The following MACROD2 variants were observed in gnomAD, a reference collection of about 807,000 sequenced individuals.
The protein encoded by MACROD2 is ADP-ribose glycohydrolase MACROD2.
Under a neutral mutation model 70.4 loss-of-function variants are expected in MACROD2, and 36 were observed. The observed-to-expected ratio is 0.51, with a 90% CI of 0.39 to 0.68. The LOEUF (loss-of-function observed/expected upper bound fraction) is 0.68. MACROD2 is among the 30% of genes least tolerant of loss of function. The pLI, the probability that MACROD2 is intolerant of heterozygous loss-of-function variation, is 0.00. For missense variants in MACROD2, 496 were observed against 538.4 expected, an observed-to-expected ratio of 0.92 and a Z score of 0.78; for synonymous variants, 172 against 178.8, an observed-to-expected ratio of 0.96 and a Z score of 0.30.
At chr20:15,238,090 G>A (rs916329319) in intron 6 of MACROD2, among the ~76,000 whole-genome samples, 1 of 152,112 alleles carries the variant, frequency 6.6e-6, no homozygotes, top group African/African-American at 2.4e-5. Flanking sequence ...GTTATAAAAG[G>A]GTTTGCTGAG....
intron 5 of MACROD2, among the ~76,000 whole-genome samples, chr20:15,180,749 C>T (rs2076494594): frequency 6.6e-6 from 1 of 152,208 alleles, no homozygotes. Flanking sequence ...CCTTGGCCTC[C>T]CAAAGTTCTG....
intron 5 of MACROD2, among the ~76,000 whole-genome samples, chr20:15,095,591 C>T (rs1026366518): frequency 1.3e-5 from 2 of 151,950 alleles, no homozygotes; most frequent in Non-Finnish European, 2.9e-5. Flanking sequence ...AATCTCGGCT[C>T]ACTGCAAGCT....
At chr20:15,588,144 C>T (rs577995033) in intron 8 of MACROD2, among the ~76,000 whole-genome samples, 26 of 152,308 alleles carry the variant, frequency 1.7e-4, no homozygotes, top group Non-Finnish European at 2.5e-4. Flanking sequence ...GACTTCTGTG[C>T]ACCCGCAGGC....
intron 9 of MACROD2, among the ~76,000 whole-genome samples, chr20:15,864,696 C>T (rs1307873279): frequency 6.6e-6 from 1 of 151,992 alleles, no homozygotes; most frequent in Non-Finnish European, 1.5e-5. Flanking sequence ...AAAATTGCTA[C>T]TTTAAATACA....
At chr20:14,355,354 A>T (rs2122705200) in intron 3 of MACROD2, among the ~76,000 whole-genome samples, 1 of 152,350 alleles carries the variant, frequency 6.6e-6, no homozygotes, top group Admixed American at 6.5e-5. Context: ...GTGTAAAGTG[A>T]TAACTTTCTG....
chr20:14,956,924 C>T lies in MACROD2; in HGVS notation c.418+271965C>T, dbSNP rs377421930. ...TTATGTAACAGTTTTTCTCAGACTT[C>T]GGTCACATGCCACCTTCAAGATATT... On this transcript the variant is annotated intron_variant, in intron 5 of 17. Transcript: ENST00000684519. Among the ~76,000 whole-genome samples, 6 of 152,196 alleles carry T rather than the reference C, an allele frequency of 3.9e-5. No homozygotes were observed. The East Asian group carries it at 1.2e-3, about 29-fold the overall frequency.
At chr20:15,472,426 A>G (rs950746032) in intron 7 of MACROD2, among the ~76,000 whole-genome samples, 1 of 152,146 alleles carries the variant, frequency 6.6e-6, no homozygotes, top group Non-Finnish European at 1.5e-5. Flanking sequence ...TGACTTTTCA[A>G]GTGAATTCAG....
intron 8 of MACROD2, among the ~76,000 whole-genome samples, chr20:15,631,498 T>G (rs575939339): frequency 4.6e-5 from 7 of 152,230 alleles, no homozygotes; most frequent in Admixed American, 6.5e-5. Flanking sequence ...TTAAAAGCCA[T>G]TGTGAGAAAG....
At chr20:15,930,542 C>T (rs936932414) in intron 10 of MACROD2, among the ~76,000 whole-genome samples, 3 of 152,110 alleles carry the variant, frequency 2.0e-5, no homozygotes, top group African/African-American at 7.2e-5. Flanking sequence ...ATACCTGGAC[C>T]GTTTTATCTG....
chr20:15,453,947 C>T (rs1344283034), intron 7 of MACROD2, among the ~76,000 whole-genome samples: 1 of 152,094 alleles, frequency 6.6e-6, no homozygotes, highest in African/African-American at 2.4e-5. Flanking sequence ...GGATATTAGA[C>T]CCAAAGCCAT....
chr20:14,048,004 A>ATT (rs143046922), intron 2 of MACROD2, among the ~76,000 whole-genome samples: 55 of 148,040 alleles, frequency 3.7e-4, no homozygotes, highest in East Asian at 2.2e-3. Flanking sequence ...TTGGCATTTG[A>ATT]TTTTTTTTTC....
intron 3 of MACROD2, among the ~76,000 whole-genome samples, chr20:14,181,422 G>A (rs1040376812): frequency 1.3e-5 from 2 of 151,674 alleles, no homozygotes; most frequent in African/African-American, 4.8e-5. Flanking sequence ...AAATGATGGG[G>A]AACCATCATT....
chr20:15,424,572 T>C (rs887236010), intron 6 of MACROD2, among the ~76,000 whole-genome samples: 1 of 151,956 alleles, frequency 6.6e-6, no homozygotes, highest in Non-Finnish European at 1.5e-5. Flanking sequence ...AAAAACAAAT[T>C]AGCCAGATGT....
intron 3 of MACROD2, among the ~76,000 whole-genome samples, chr20:14,172,988 G>T (rs1302835502): frequency 2.6e-5 from 4 of 152,144 alleles, no homozygotes; most frequent in Non-Finnish European, 5.9e-5. Flanking sequence ...CTTCTAGCTT[G>T]TAGGGTTTCT....
chr20:15,909,499 T>C (rs1166503705), intron 10 of MACROD2, among the ~76,000 whole-genome samples: 1 of 148,664 alleles, frequency 6.7e-6, no homozygotes, highest in African/African-American at 2.5e-5. Flanking sequence ...ATCATACACA[T>C]AAGTACATAA....
chr20:15,086,805 T>C (rs2075752121), intron 5 of MACROD2, among the ~76,000 whole-genome samples: 1 of 152,114 alleles, frequency 6.6e-6, no homozygotes, highest in African/African-American at 2.4e-5. Flanking sequence ...TTAATTTCAT[T>C]ATCTCTAATA....
At chr20:14,653,990 G>A (rs577068878) in intron 4 of MACROD2, among the ~76,000 whole-genome samples, 4 of 152,088 alleles carry the variant, frequency 2.6e-5, no homozygotes, top group East Asian at 1.9e-4. Flanking sequence ...CCTTCTAGTA[G>A]GTTTCCTGGG....
intron 3 of MACROD2, among the ~76,000 whole-genome samples, chr20:14,213,919 T>C (rs185441260): frequency 3.3e-5 from 5 of 152,222 alleles, no homozygotes; most frequent in Admixed American, 3.3e-4. Flanking sequence ...TAAAAGGAAG[T>C]GCATTTAATG....
intron 3 of MACROD2, among the ~76,000 whole-genome samples, chr20:14,255,855 A>G (rs2082052144): frequency 1.3e-5 from 2 of 151,486 alleles, no homozygotes; most frequent in African/African-American, 4.9e-5. Flanking sequence ...TCTTTAAAAC[A>G]TTTTTTGTCT....
Sources: allele counts gnomAD v4.1 joint callset (sites outside exome capture counted in the v4.1 genomes callset), GRCh38; gene constraint gnomAD v4.1.1; transcripts MANE v1.5; gene names NCBI Gene and HGNC (gene_info 2026-07-23, HGNC 2026-07-21).